FAM13A: variants seen among roughly 807,000 people sequenced by gnomAD.
FAM13A encodes the protein protein FAM13A.
A neutral mutation model predicts 129.6 loss-of-function variants in FAM13A; 76 were observed. The observed-to-expected ratio is 0.59, with a 90% CI of 0.49 to 0.71. FAM13A has a LOEUF of 0.71. Among genes scored for constraint, FAM13A ranks in the 30% least tolerant of loss-of-function variants. FAM13A has a pLI of 0.00. For missense variants in FAM13A, 1,108 were observed against 1,249.3 expected (o/e 0.89, Z 1.70); for synonymous variants, 443 against 449.9 (o/e 0.98, Z 0.20).
intron 13 of FAM13A, among the ~76,000 whole-genome samples, chr4:88,762,029 T>C (rs1198142316): frequency 6.6e-6 from 1 of 152,086 alleles, no homozygotes; most frequent in South Asian, 2.1e-4. Flanking sequence ...GTGGTAGCAG[T>C]TGAGGCCTCT....
intron 6 of FAM13A, among the ~76,000 whole-genome samples, chr4:88,890,424 C>T (rs924556831): frequency 3.7e-4 from 57 of 152,234 alleles, no homozygotes; most frequent in African/African-American, 1.3e-3. Flanking sequence ...TCATAGAGTC[C>T]CTTTTATTCC....
intron 3 of FAM13A, among the ~76,000 whole-genome samples, chr4:88,998,105 G>C (rs1763795224): frequency 6.6e-6 from 1 of 152,106 alleles, no homozygotes; most frequent in African/African-American, 2.4e-5. Context: ...AGAACACCCA[G>C]AACAGTCATA....
intron 3 of FAM13A, among the ~76,000 whole-genome samples, chr4:89,013,201 A>G (rs1397558852): frequency 6.6e-6 from 1 of 151,634 alleles, no homozygotes; most frequent in African/African-American, 2.4e-5. Flanking sequence ...AACAAGAAAC[A>G]CAGTAATCCT....
At chr4:88,994,040 T>C (rs11936725) in intron 3 of FAM13A, among the ~76,000 whole-genome samples, 78,696 of 151,598 alleles carry the variant, frequency 0.52, 20,506 homozygotes, top group Middle Eastern at 0.62. Context: ...TCACAAAATA[T>C]ACTCTGAAAA....
chr4:88,826,312 TAAA>T (rs35488589), intron 7 of FAM13A, among the ~76,000 whole-genome samples: 47,235 of 138,862 alleles, frequency 0.34, 9,053 homozygotes, highest in African/African-American at 0.56. Flanking sequence ...CACGTAGGAT[TAAA>T]AAAAAAAAAA....
intron 2 of FAM13A, among the ~76,000 whole-genome samples, chr4:89,027,512 TAA>T (rs35923372): frequency 1.4e-5 from 2 of 144,684 alleles, no homozygotes; most frequent in Non-Finnish European, 1.5e-5. Flanking sequence ...TCTGTCCCTT[TAA>T]AAAAAAAAAA....
intron 6 of FAM13A, among the ~76,000 whole-genome samples, chr4:88,856,527 C>G (rs1738537307): frequency 6.6e-6 from 1 of 151,884 alleles, no homozygotes; most frequent in Non-Finnish European, 1.5e-5. Context: ...ACCAAAAAAC[C>G]CCAAAAAAAC....
intron 7 of FAM13A, among the ~76,000 whole-genome samples, chr4:88,805,662 T>C (rs940734574): frequency 2.2e-5 from 3 of 133,812 alleles, no homozygotes; most frequent in East Asian, 2.5e-4. Context: ...GCTTAATACA[T>C]TGAAAGTTAA....
At chr4:89,049,990 A>T (rs1458127746) in intron 1 of FAM13A, among the ~76,000 whole-genome samples, 2 of 152,252 alleles carry the variant, frequency 1.3e-5, no homozygotes, top group African/African-American at 4.8e-5. Context: ...AATACAAATA[A>T]GATACGATCT....
chr4:88,852,351 G>C (rs1203657615), intron 6 of FAM13A, among the ~76,000 whole-genome samples: 2 of 152,034 alleles, frequency 1.3e-5, no homozygotes, highest in Non-Finnish European at 2.9e-5. Context: ...TTGTAGGGAT[G>C]TGGTTTCACC....
chr4:88,738,751 T>C (rs897377272), intron 20 of FAM13A, among the ~76,000 whole-genome samples: 1 of 152,194 alleles, frequency 6.6e-6, no homozygotes, highest in Non-Finnish European at 1.5e-5. Flanking sequence ...TGACCCAGTA[T>C]ATCCAATGGA....
intron 11 of FAM13A, among the ~76,000 whole-genome samples, chr4:88,776,090 T>A (rs1157557578): frequency 1.3e-5 from 2 of 152,198 alleles, no homozygotes; most frequent in Admixed American, 1.3e-4. Flanking sequence ...ACTTTGTTTT[T>A]ATTTTTATAT....
chr4:88,836,428 A>G (rs1048052689), intron 7 of FAM13A, among the ~76,000 whole-genome samples: 15 of 152,194 alleles, frequency 9.9e-5, no homozygotes, highest in African/African-American at 3.6e-4. Context: ...CTCTCTTGGG[A>G]GGATCTGCAA....
At chr4:88,968,779 A>AT (rs1454781547) in intron 4 of FAM13A, among the ~76,000 whole-genome samples, 1 of 152,052 alleles carries the variant, frequency 6.6e-6, no homozygotes, top group Admixed American at 6.6e-5. Context: ...CATTGCCTGA[A>AT]TTTTTTTTAA....
intron 10 of FAM13A, among the ~76,000 whole-genome samples, chr4:88,784,280 G>A (rs573578727): frequency 6.6e-6 from 1 of 152,210 alleles, no homozygotes; most frequent in South Asian, 2.1e-4. Flanking sequence ...TTTCATCATT[G>A]AATCACCTTA....
chr4:88,765,422 T>A (rs6532079), intron 13 of FAM13A, among the ~76,000 whole-genome samples: 113,008 of 152,072 alleles, frequency 0.74, 42,661 homozygotes, highest in Non-Finnish European at 0.83. Flanking sequence ...AAACAAAATA[T>A]ATACTGGTTA....
intron 11 of FAM13A, among the ~76,000 whole-genome samples, chr4:88,773,067 A>G (rs942571709): frequency 6.6e-6 from 1 of 152,112 alleles, no homozygotes; most frequent in African/African-American, 2.4e-5. Context: ...TCTTGATGAG[A>G]TGGTCTTTAC....
chr4:88,906,159 G>A (rs771080331), intron 6 of FAM13A, among the ~76,000 whole-genome samples: 5 of 152,068 alleles, frequency 3.3e-5, no homozygotes, highest in African/African-American at 4.8e-5. Context: ...ATGGTGGTGC[G>A]CACCTTTAGT....
At chr4:88,800,737 T>G (rs1250554890) in intron 8 of FAM13A, among the ~76,000 whole-genome samples, 1 of 151,078 alleles carries the variant, frequency 6.6e-6, no homozygotes, top group African/African-American at 2.4e-5. Context: ...GAAACACTAT[T>G]ATAATAAAAA....
Sources: allele counts gnomAD v4.1 joint callset (sites outside exome capture counted in the v4.1 genomes callset), GRCh38; gene constraint gnomAD v4.1.1; transcripts MANE v1.5; gene names NCBI Gene and HGNC (gene_info 2026-07-23, HGNC 2026-07-21).